BCKDHA: variants seen among roughly 807,000 people sequenced by gnomAD.
BCKDHA encodes the protein 2-oxoisovalerate dehydrogenase subunit alpha, mitochondrial.
In BCKDHA, 43 loss-of-function variants were observed where a neutral mutation model predicts 52.2. The ratio of observed to expected loss-of-function variants is 0.82; its 90% CI spans 0.64 to 1.06. The LOEUF is 1.06. Among genes scored for constraint, BCKDHA ranks in the 50% least tolerant of loss-of-function variants. The pLI is 0.00. For synonymous variants in BCKDHA, 234 were observed against 247.9 expected (o/e 0.94, Z 0.53); for missense variants, 527 against 621.3 (o/e 0.85, Z 1.61).
intron 3 of BCKDHA, 71 bp downstream of exon 3, chr19:41,411,080 G>T: frequency 1.3e-6 from 2 of 1,516,696 alleles, no homozygotes; most frequent in Non-Finnish European, 1.8e-6. Context: ...TTGGGCCAAA[G>T]GAATGGCTCC....
At chr19:41,418,689 C>T in intron 4 of BCKDHA, 1 of 446,950 alleles carries the variant, frequency 2.2e-6, no homozygotes, top group South Asian at 1.6e-5. Flanking sequence ...CATCACCATG[C>T]CTGGCTAATG....
intron 1 of BCKDHA, among the ~76,000 whole-genome samples, chr19:41,401,147 G>A (rs2039134893): frequency 6.6e-6 from 1 of 151,786 alleles, no homozygotes; most frequent in African/African-American, 2.4e-5. Context: ...CATGATCTTG[G>A]CTCACCACAA....
In BCKDHA at chr19:41,410,951, A is replaced by G; in HGVS notation, c.317A>G (p.Tyr106Cys). The change falls in exon 3 of 9, where the codon TAC (tyrosine) becomes TGC (cysteine). Residue 106 changes from tyrosine (Y) to cysteine (C), a missense_variant. Tyr to Cys is a radical substitution (Grantham distance 194). Coordinates refer to ENST00000269980, the MANE Select transcript of BCKDHA (RefSeq NM_000709.4). ...HLPKEKVLKL[Y>C]KSMTLLNTMD... ...CCGAAGGAGAAGGTGCTGAAGCTCT[A>G]CAAGAGCATGACACTGCTTAACACC... 3 of 1,614,128 alleles carry G rather than the reference A, an allele frequency of 1.9e-6. No individual in the cohort carries two copies. The highest frequency in any genetic ancestry group is 2.2e-5 in the South Asian group (2 of 91,076).
chr19:41,422,570 CCTCGTGCATGTTCCTTAT>C (rs1271025166), intron 6 of BCKDHA, 41 bp from the exon 7 acceptor site: 1 of 1,610,112 alleles, frequency 6.2e-7, no homozygotes, highest in Admixed American at 1.7e-5. Context: ...GTCCCCTTGG[CCTCGTGCATGTTCCTTAT>C]CTCAGCCCTG....
At chr19:41,415,821 T>C (rs1182676555) in intron 4 of BCKDHA, among the ~76,000 whole-genome samples, 2 of 72,072 alleles carry the variant, frequency 2.8e-5, no homozygotes, top group South Asian at 1.2e-3. Flanking sequence ...GCTAATTTTT[T>C]GTATTTTTAG....
intron 6 of BCKDHA, 43 bp from the exon 7 acceptor site, chr19:41,422,586 T>C (rs2039379647): frequency 6.2e-7 from 1 of 1,612,334 alleles, no homozygotes; most frequent in Admixed American, 1.7e-5. Context: ...GCATGTTCCT[T>C]ATCTCAGCCC....
chr19:41,405,398 ACCT>A (rs2039181759), intron 1 of BCKDHA, among the ~76,000 whole-genome samples: 1 of 150,844 alleles, frequency 6.6e-6, no homozygotes. Context: ...CGATCCTCCC[ACCT>A]CAGCCCCTCA....
At position 41,399,786 on chromosome 19, in the gene BCKDHA, T is replaced by C. The variant is rs1394752393; in HGVS notation, c.108+1851T>C. The C allele has an allele frequency of 2.6e-5, 4 of 151,396 alleles. No individual in the cohort carries two copies. The East Asian group carries it at 5.8e-4, about 22-fold the overall frequency. 9.4% of individuals were successfully genotyped at this position (151,396 alleles called of 1,614,324 possible). ...TCTTTCTGTACCTCTCTTTCCTTTT[T>C]CTTTTTTTTTCTTTTTTGAGACAGA... On this transcript the variant is annotated intron_variant, in intron 1 of 8. Transcript: ENST00000269980.
At chr19:41,414,229 C>G in intron 4 of BCKDHA, 72 bp downstream of exon 4, 1 of 1,415,628 alleles carries the variant, frequency 7.1e-7, no homozygotes, top group Non-Finnish European at 9.9e-7. Context: ...AGTGTTCTTC[C>G]AGGAGCAGCA....
At position 41,422,471 on chromosome 19, in the gene BCKDHA, G is replaced by A. The variant is rs543299577; in HGVS notation, c.853+101G>A. ...ACCCCTACCCTCCTTCCTGGTTCTC[G>A]TCCTGTGTCCTGTGGCGTCTGGCAC... On this transcript the variant is annotated intron_variant, in intron 6 of 8. Transcript: ENST00000269980. The A allele has an allele frequency of 7.5e-5, 118 of 1,571,160 alleles. No individual in the cohort carries two copies. In the African/African-American group the frequency reaches 1.0e-3, roughly 14 times the overall value.
intron 4 of BCKDHA, among the ~76,000 whole-genome samples, chr19:41,415,001 A>G (rs754589809): frequency 5.3e-5 from 8 of 152,044 alleles, no homozygotes; most frequent in Non-Finnish European, 1.0e-4. Context: ...AAGTGCCCTC[A>G]GCACAGAGTA....
At chr19:41,407,612 CA>C (rs1205735073) in intron 1 of BCKDHA, among the ~76,000 whole-genome samples, 1 of 152,170 alleles carries the variant, frequency 6.6e-6, no homozygotes, top group Non-Finnish European at 1.5e-5. Flanking sequence ...TCTGCCCTGC[CA>C]TTGGGAGTGT....
At chr19:41,409,267 C>T (rs1395656737) in intron 1 of BCKDHA, among the ~76,000 whole-genome samples, 1 of 152,110 alleles carries the variant, frequency 6.6e-6, no homozygotes, top group South Asian at 2.1e-4. Flanking sequence ...ATGTGCTTTC[C>T]CTGCCTCCTG....
intron 1 of BCKDHA, among the ~76,000 whole-genome samples, chr19:41,400,946 A>C (rs2039132364): frequency 6.6e-6 from 1 of 151,250 alleles, no homozygotes; most frequent in Non-Finnish European, 1.5e-5. Flanking sequence ...TGGGAGGCGG[A>C]GATTGCAGTG....
intron 7 of BCKDHA, 63 bp downstream of exon 7, chr19:41,422,833 A>C (rs769448462): frequency 5.6e-6 from 9 of 1,608,270 alleles, no homozygotes; most frequent in African/African-American, 1.3e-5. Flanking sequence ...CATCTTCCTC[A>C]TATCGATCAC....
At chr19:41,401,304 G>A (rs1264583238) in intron 1 of BCKDHA, among the ~76,000 whole-genome samples, 4 of 151,982 alleles carry the variant, frequency 2.6e-5, no homozygotes, top group Admixed American at 2.0e-4. Context: ...TTGAACTCCC[G>A]ACCTCAGGCG....
Position 41,423,057 on chromosome 19 carries a change from A to G in BCKDHA, c.1055A>G (p.Asn352Ser), listed in dbSNP as rs766755823. The change falls in exon 8 of 9, where the codon AAT becomes AGT. Residue 352 changes from asparagine (N) to serine (S), a missense_variant. Physicochemically the swap from Asn to Ser is conservative, Grantham distance 46. Coordinates refer to ENST00000269980, the MANE Select transcript of BCKDHA (RefSeq NM_000709.4). ...GCGTACCGCTCGGTGGATGAGGTCA[A>G]TTACTGGGATAAACAGGACCACCCC... ...SSAYRSVDEV[N>S]YWDKQDHPIS... 1.4e-5 allele frequency: 23 copies of G among 1,599,296 alleles called. No individual in the cohort carries two copies. Among genetic ancestry groups the G allele is most frequent in the African/African-American group, 2.7e-5 (2 of 74,640 alleles).
chr19:41,401,955 C>T (rs927519304), intron 1 of BCKDHA, among the ~76,000 whole-genome samples: 32 of 152,142 alleles, frequency 2.1e-4, no homozygotes, highest in Non-Finnish European at 1.3e-4. Context: ...AAAACACACC[C>T]AAGACTGGGT....
At chr19:41,410,548 C>T (rs565315439) in intron 1 of BCKDHA, 89 bp from the exon 2 acceptor site, 1 of 1,470,724 alleles carries the variant, frequency 6.8e-7, no homozygotes, top group African/African-American at 1.4e-5. Flanking sequence ...TGCTCAACCA[C>T]CATGCCGCCT....
Sources: allele counts gnomAD v4.1 joint callset (sites outside exome capture counted in the v4.1 genomes callset), GRCh38; gene constraint gnomAD v4.1.1; transcripts MANE v1.5; gene names NCBI Gene and HGNC (gene_info 2026-07-23, HGNC 2026-07-21).